MSTO1: variants seen among roughly 807,000 people sequenced by gnomAD.
The protein encoded by MSTO1 is protein misato homolog 1.
MSTO1 carries 24 observed loss-of-function variants against 55.7 expected under a neutral mutation model. That is an observed-to-expected ratio of 0.43 (90% CI 0.31 to 0.61). MSTO1 has a LOEUF of 0.61. Among genes scored for constraint, MSTO1 ranks in the 20% least tolerant of loss-of-function variants. The pLI, the probability that MSTO1 is intolerant of heterozygous loss-of-function variation, is 0.09. For missense variants in MSTO1, 363 were observed against 625.7 expected (o/e 0.58, Z 4.48); for synonymous variants, 162 against 252.8 (o/e 0.64, Z 3.41).
chr1:155,581,251 C>T, the MSTO1 span, among the ~76,000 whole-genome samples: 2 of 152,056 alleles, frequency 1.3e-5, no homozygotes, highest in Non-Finnish European at 2.9e-5. Context: ...AGGTGTGAGT[C>T]ACCTCATCCA....
chr1:155,570,876 C>G, the MSTO1 span, among the ~76,000 whole-genome samples: 1 of 152,190 alleles, frequency 6.6e-6, no homozygotes, highest in African/African-American at 2.4e-5. Flanking sequence ...GGGTGGACTA[C>G]TGTATTTCCT....
chr1:155,564,117 G>A, the MSTO1 span, among the ~76,000 whole-genome samples: 12 of 152,312 alleles, frequency 7.9e-5, no homozygotes, highest in Admixed American at 1.3e-4. Context: ...ATAAATTACC[G>A]GAAGGATCTA....
the MSTO1 span, chr1:155,563,804 G>C: frequency 1.1e-5 from 4 of 349,252 alleles, no homozygotes; most frequent in South Asian, 8.7e-5. Context: ...TATATGTAAA[G>C]TGGAATTAGC....
the MSTO1 span, among the ~76,000 whole-genome samples, chr1:155,592,699 G>A: frequency 6.6e-6 from 1 of 151,890 alleles, no homozygotes; most frequent in Non-Finnish European, 1.5e-5. Context: ...GATTACAGGC[G>A]CCTGCCACCA....
At chr1:155,578,785 C>T in the MSTO1 span, among the ~76,000 whole-genome samples, 2 of 150,616 alleles carry the variant, frequency 1.3e-5, no homozygotes. Flanking sequence ...GCTGGGATTA[C>T]AGGCGTGAGC....
the MSTO1 span, chr1:155,563,318 C>T: frequency 2.2e-6 from 1 of 455,740 alleles, no homozygotes; most frequent in Non-Finnish European, 4.4e-6. Context: ...GAGAACTAGT[C>T]CTCGACTCAC....
At chr1:155,579,018 C>G in the MSTO1 span, among the ~76,000 whole-genome samples, 1 of 151,344 alleles carries the variant, frequency 6.6e-6, no homozygotes, top group African/African-American at 2.4e-5. Context: ...TTGTAAAACC[C>G]AAGAGGAGGC....
chr1:155,578,531 G>A, the MSTO1 span, among the ~76,000 whole-genome samples: 1 of 118,960 alleles, frequency 8.4e-6, no homozygotes, highest in Admixed American at 8.9e-5. Flanking sequence ...TTTTTTTTGA[G>A]ACGGAGTCCC....
the MSTO1 span, among the ~76,000 whole-genome samples, chr1:155,567,478 A>AT: frequency 6.6e-6 from 1 of 151,278 alleles, no homozygotes; most frequent in African/African-American, 2.4e-5. Context: ...CGCCCGGCTA[A>AT]TTTTTTTGTA....
chr1:155,582,487 G>A, the MSTO1 span, among the ~76,000 whole-genome samples: 1 of 151,638 alleles, frequency 6.6e-6, no homozygotes, highest in Non-Finnish European at 1.5e-5. Flanking sequence ...TTGAGACAGA[G>A]TCTCATTCTG....
At chr1:155,585,250 G>A in the MSTO1 span, among the ~76,000 whole-genome samples, 6 of 152,142 alleles carry the variant, frequency 3.9e-5, no homozygotes, top group Admixed American at 6.6e-5. Flanking sequence ...AGGGACGGGC[G>A]TGGTAGCTCA....
At chr1:155,591,755 A>T in the MSTO1 span, among the ~76,000 whole-genome samples, 3 of 151,206 alleles carry the variant, frequency 2.0e-5, no homozygotes, top group East Asian at 1.9e-4. Flanking sequence ...ACACCATTGC[A>T]CTCCAGCCTG....
the MSTO1 span, among the ~76,000 whole-genome samples, chr1:155,574,724 G>A: frequency 6.6e-6 from 1 of 152,006 alleles, no homozygotes; most frequent in African/African-American, 2.4e-5. Context: ...AGGCAACTAT[G>A]TTCAGCTAAT....
chr1:155,595,203 A>C, the MSTO1 span, among the ~76,000 whole-genome samples: 1 of 102,466 alleles, frequency 9.8e-6, no homozygotes. Context: ...TTTGAGATGG[A>C]GTCTCGGTCT....
At position 155,610,264 on chromosome 1, in the gene MSTO1, C is replaced by A. The variant is rs761442931; in HGVS notation, c.16C>A (p.Arg6=). The A allele has an allele frequency of 6.3e-5, 49 of 782,782 alleles. No homozygotes were observed. Among genetic ancestry groups the A allele is most frequent in the Non-Finnish European group, 9.4e-5 (46 of 487,504 alleles). 48.5% of individuals were successfully genotyped at this position (782,782 alleles called of 1,614,324 possible). A position where few individuals can be genotyped will look rare whatever the true frequency, so the allele number is the denominator to read the frequency against. ...GCAGCGCAGTATGGCGGGCGGGGCCCGGGAGGTGCTCACACTGCAGTTGGG... is the reference window on the plus strand; with the variant it reads ...GCAGCGCAGTATGGCGGGCGGGGCCAGGGAGGTGCTCACACTGCAGTTGGG... MAGGA[R]EVLTLQLGHF... Residue 6 remains arginine, a synonymous_variant, in exon 1 of 14, where the codon CGG becomes AGG. Transcript: ENST00000245564.
chr1:155,567,456 C>T, the MSTO1 span, among the ~76,000 whole-genome samples: 39 of 151,826 alleles, frequency 2.6e-4, no homozygotes, highest in Non-Finnish European at 3.4e-4. Flanking sequence ...GGACTACAGG[C>T]GCCCGCCACT....
At chr1:155,605,037 G>A in the MSTO1 span, among the ~76,000 whole-genome samples, 1 of 152,086 alleles carries the variant, frequency 6.6e-6, no homozygotes, top group Non-Finnish European at 1.5e-5. Flanking sequence ...GAGGCAGGCG[G>A]ATCACCTGAG....
the MSTO1 span, among the ~76,000 whole-genome samples, chr1:155,586,292 C>T: frequency 2.6e-5 from 4 of 151,630 alleles, no homozygotes; most frequent in Non-Finnish European, 5.9e-5. Flanking sequence ...ATCCACCCGC[C>T]TCGGCCTCCC....
At chr1:155,576,786 G>A in the MSTO1 span, among the ~76,000 whole-genome samples, 1 of 150,426 alleles carries the variant, frequency 6.6e-6, no homozygotes, top group South Asian at 2.1e-4. Context: ...GGCCAAACTG[G>A]GTGGATCACC....
Sources: gnomAD v4.1 joint callset for allele counts (sites outside exome capture counted in the v4.1 genomes callset) on GRCh38, gnomAD v4.1.1 for gene constraint, MANE v1.5 for transcripts, NCBI Gene and HGNC (gene_info 2026-07-23, HGNC 2026-07-21) for gene names.